Variants in GTF2IRD1 observed in about 807,000 individuals in gnomAD.
GTF2IRD1 encodes the protein general transcription factor II-I repeat domain-containing protein 1.
Under a neutral mutation model 113.2 loss-of-function variants are expected in GTF2IRD1, and 26 were observed. The observed-to-expected ratio is 0.23, with a 90% CI of 0.17 to 0.32. The LOEUF is 0.32. GTF2IRD1 is among the 10% of genes least tolerant of loss of function. The pLI, the probability that GTF2IRD1 is intolerant of heterozygous loss-of-function variation, is 1.00. For synonymous variants in GTF2IRD1, 484 were observed against 529.1 expected (o/e 0.91, Z 1.17); for missense variants, 864 against 1,280.8 (o/e 0.67, Z 4.97).
chr7:74,528,869 AGATGGATGGATGGATG>A (rs781849655), intron 8 of GTF2IRD1, among the ~76,000 whole-genome samples: 13 of 101,674 alleles, frequency 1.3e-4, no homozygotes, highest in South Asian at 3.7e-4. Flanking sequence ...ATGAATGGGC[AGATGGATGGATGGATG>A]GATGGATGGA....
Position 74,505,169 on chromosome 7 carries a change from AC to A in GTF2IRD1, c.-6-2904del, listed in dbSNP as rs782395361. Among the ~76,000 whole-genome samples the A allele has an allele frequency of 9.2e-5, 14 of 152,172 alleles. No individual in the cohort carries two copies. In the East Asian group the frequency reaches 2.3e-3, roughly 25 times the overall value. The stretch of plus-strand genomic sequence containing the variant: ...CAAAGTGCTGGGACTATAAGCATGA[AC>A]CACCGCACCCGGCCTCTGCCTTCAT... On this transcript the variant is annotated intron_variant, in intron 1 of 26. Transcript: ENST00000424337.
chr7:74,460,848 C>T (rs561261107), intron 1 of GTF2IRD1, among the ~76,000 whole-genome samples: 7 of 152,300 alleles, frequency 4.6e-5, no homozygotes, highest in South Asian at 2.1e-4. Context: ...GACCCCGCCA[C>T]GGGGGCGGTT....
chr7:74,546,723 G>A (rs186069629), intron 16 of GTF2IRD1, among the ~76,000 whole-genome samples: 35 of 151,584 alleles, frequency 2.3e-4, no homozygotes, highest in African/African-American at 8.2e-4. Context: ...AGGGACACTC[G>A]GGGGGCCTTA....
At chr7:74,517,025 G>GT (rs76786668) in intron 4 of GTF2IRD1, among the ~76,000 whole-genome samples, 23,943 of 150,682 alleles carry the variant, frequency 0.16, 2,034 homozygotes, top group Middle Eastern at 0.22. Context: ...TGTTGTTGTT[G>GT]TTGTTGTTGT....
intron 25 of GTF2IRD1, 61 bp downstream of exon 25, chr7:74,595,112 G>A (rs1164742446): frequency 1.6e-6 from 2 of 1,283,170 alleles, no homozygotes; most frequent in Admixed American, 1.9e-5. Context: ...TGTTCCATTT[G>A]AAAAAAGGTA....
At chr7:74,557,205 C>T (rs1799651946) in intron 19 of GTF2IRD1, among the ~76,000 whole-genome samples, 2 of 152,174 alleles carry the variant, frequency 1.3e-5, no homozygotes, top group Admixed American at 6.5e-5. Context: ...CCGCCAGGCC[C>T]ATCCCCTGTG....
chr7:74,581,625 G>A (rs782328312), intron 22 of GTF2IRD1, among the ~76,000 whole-genome samples: 1 of 152,216 alleles, frequency 6.6e-6, no homozygotes, highest in Non-Finnish European at 1.5e-5. Context: ...GCAGTCCTTG[G>A]GGAACTCCCT....
intron 22 of GTF2IRD1, among the ~76,000 whole-genome samples, chr7:74,580,575 T>C (rs1387329238): frequency 7.9e-5 from 12 of 152,040 alleles, no homozygotes; most frequent in Non-Finnish European, 1.5e-4. Flanking sequence ...GGTTGTCTTT[T>C]TTTTTTCCCC....
intron 22 of GTF2IRD1, among the ~76,000 whole-genome samples, chr7:74,586,063 G>A (rs1451351692): frequency 6.6e-6 from 1 of 152,114 alleles, no homozygotes; most frequent in Non-Finnish European, 1.5e-5. Flanking sequence ...GTCTTTGGCT[G>A]CAGTGTCTAG....
rs587676470 is a variant in GTF2IRD1 at position 74,586,926 on chromosome 7, G to A, written c.2321-2925G>A. Among the ~76,000 whole-genome samples the A allele has an allele frequency of 3.6e-4, 54 of 152,106 alleles. No homozygotes were observed. In the South Asian group the frequency reaches 6.9e-3, roughly 19 times the overall value. On this transcript the variant is annotated intron_variant, in intron 22 of 26. Coordinates refer to ENST00000424337, the MANE Select transcript of GTF2IRD1 (RefSeq NM_005685.4). ...TTCGGAGGCTGCGGACAGGAGGATC[G>A]CTTGAGCTTAGGAGTTCGAGAACAG...
At chr7:74,537,316 GGCAGGAGAATC>G (rs1202351716) in intron 11 of GTF2IRD1, among the ~76,000 whole-genome samples, 3 of 151,936 alleles carry the variant, frequency 2.0e-5, no homozygotes, top group Admixed American at 6.6e-5. Context: ...GGGAGGTTGA[GGCAGGAGAATC>G]GCTTGAACCC....
intron 14 of GTF2IRD1, among the ~76,000 whole-genome samples, chr7:74,540,741 G>C (rs1798585392): frequency 2.6e-5 from 4 of 151,898 alleles, no homozygotes; most frequent in Admixed American, 2.6e-4. Context: ...TTGAGGCTGG[G>C]AGTTCAAGAT....
In GTF2IRD1 at chr7:74,591,009, C is replaced by T; in HGVS notation, c.2583C>T (p.Asn861=). 1 of 1,609,940 alleles carries T rather than the reference C, an allele frequency of 6.2e-7. No homozygotes were observed. Among genetic ancestry groups the T allele is most frequent in the Non-Finnish European group, 8.5e-7 (1 of 1,177,892 alleles). The change falls in exon 24 of 27, where the codon AAC becomes AAT. Residue 861 remains asparagine (N), a synonymous_variant. Transcript: ENST00000424337. ...AGCATGTCCGCATGGTCATCATTAA[C>T]CAGCTCCAGTGAGTGCCCGGCCTCT... ...AREHVRMVII[N]QLQPFAEICN... is the part of the protein sequence containing the mutation.
intron 1 of GTF2IRD1, among the ~76,000 whole-genome samples, chr7:74,471,678 A>C (rs1418890354): frequency 5.1e-4 from 42 of 82,096 alleles, no homozygotes; most frequent in African/African-American, 1.4e-3. Context: ...TATTTAAAAA[A>C]AAAAAAAAAA....
At chr7:74,566,675 CA>C (rs1394513640) in intron 22 of GTF2IRD1, among the ~76,000 whole-genome samples, 1 of 152,188 alleles carries the variant, frequency 6.6e-6, no homozygotes, top group Non-Finnish European at 1.5e-5. Context: ...TTACAAAGCC[CA>C]CTCACGTTAC....
At chr7:74,490,058 C>G (rs1395099075) in intron 1 of GTF2IRD1, among the ~76,000 whole-genome samples, 2 of 152,022 alleles carry the variant, frequency 1.3e-5, no homozygotes, top group Non-Finnish European at 2.9e-5. Context: ...GCCTTGACCT[C>G]CCGTGTCAAG....
Position 74,519,471 on chromosome 7 carries a change from T to A in GTF2IRD1, c.668T>A (p.Ile223Asn), listed in dbSNP as rs587659894. 1 of 1,594,796 alleles carries A rather than the reference T, an allele frequency of 6.3e-7. No homozygotes were observed. The highest frequency in any genetic ancestry group is 1.3e-5 in the African/African-American group (1 of 74,464). Residue 223 changes from isoleucine (I) to asparagine (N), a missense_variant, in exon 6 of 27, where the codon ATT (isoleucine) becomes AAT (asparagine). Transcript: ENST00000424337. ...ALVELNGVSL[I>N]PKGSRDCGLH... Reference sequence around the variant, plus strand: ...GTGGAGCTGAACGGTGTCTCCCTGATTCCCAAGGGGTCACGGGACTGTGGC... The same window carrying A: ...GTGGAGCTGAACGGTGTCTCCCTGAATCCCAAGGGGTCACGGGACTGTGGC...
At chr7:74,466,620 G>A (rs1481345920) in intron 1 of GTF2IRD1, among the ~76,000 whole-genome samples, 1 of 152,164 alleles carries the variant, frequency 6.6e-6, no homozygotes, top group Non-Finnish European at 1.5e-5. Flanking sequence ...TCTCGTTGCA[G>A]GTCTCAGCTG....
At chr7:74,500,809 G>A (rs527741846) in intron 1 of GTF2IRD1, among the ~76,000 whole-genome samples, 7 of 151,902 alleles carry the variant, frequency 4.6e-5, no homozygotes, top group Admixed American at 3.3e-4. Context: ...CTGTAGCCTC[G>A]AACTCCTGGG....
Sources: allele counts gnomAD v4.1 joint callset (sites outside exome capture counted in the v4.1 genomes callset), GRCh38; gene constraint gnomAD v4.1.1; transcripts MANE v1.5; gene names NCBI Gene and HGNC (gene_info 2026-07-23, HGNC 2026-07-21).